PPFIA4: variants seen among roughly 807,000 people sequenced by gnomAD.
PPFIA4 encodes the protein liprin-alpha-4.
In PPFIA4, 98 loss-of-function variants were observed where a neutral mutation model predicts 145.7. The observed-to-expected ratio is 0.67, with a 90% CI of 0.57 to 0.80. The LOEUF is 0.80. Among genes scored for constraint, PPFIA4 ranks in the 30% least tolerant of loss-of-function variants. PPFIA4 has a pLI of 0.00. For synonymous variants in PPFIA4, 628 were observed against 649.6 expected, an observed-to-expected ratio of 0.97 and a Z score of 0.51; for missense variants, 1,457 against 1,632.7, an observed-to-expected ratio of 0.89 and a Z score of 1.85.
chr1:203,074,513 G>A (rs1381708676), intron 28 of PPFIA4, among the ~76,000 whole-genome samples: 1 of 152,102 alleles, frequency 6.6e-6, no homozygotes, highest in African/African-American at 2.4e-5. Context: ...AATGCTACTA[G>A]GATGAGTGCT....
At chr1:203,050,202 G>A (rs1365339282) in intron 13 of PPFIA4, among the ~76,000 whole-genome samples, 1 of 152,216 alleles carries the variant, frequency 6.6e-6, no homozygotes, top group African/African-American at 2.4e-5. Flanking sequence ...GGAGAGATTG[G>A]AATGAAGCAT....
rs564189720 is a variant in PPFIA4, at chr1:203,026,544, T to C, written c.-485T>C. 53 of 152,310 alleles carry C rather than the reference T, an allele frequency of 3.5e-4. No homozygotes were observed. The highest frequency in any genetic ancestry group is 1.1e-3 in the African/African-American group (45 of 41,556). 9.4% of individuals were successfully genotyped at this position (152,310 alleles called of 1,614,324 possible). A position where few individuals can be genotyped will look rare whatever the true frequency, so the allele number is the denominator to read the frequency against. ...GCAGCTACCTCGGCGCCGGCTCGGC[T>C]CTAGGACGTGTCGGGCTGCACGGGT... On this transcript the variant is annotated 5_prime_UTR_variant, in exon 1 of 30. Coordinates refer to ENST00000295706, the MANE Select transcript of PPFIA4 (RefSeq NM_001304331.2).
Position 203,048,991 on chromosome 1 carries a change from G to A in PPFIA4, c.1419+11G>A, listed in dbSNP as rs1660297433. The A allele has an allele frequency of 6.5e-7, 1 of 1,548,150 alleles. No individual in the cohort carries two copies. The highest frequency in any genetic ancestry group is 2.4e-5 in the East Asian group (1 of 40,856). ...CAGCACCACCACAAGGTACCCGGCT[G>A]CGGCCAGCCCCGCCCAGCCTGGGAG... On this transcript the variant is annotated intron_variant, in intron 12 of 29. Coordinates refer to ENST00000295706, the MANE Select transcript of PPFIA4 (RefSeq NM_001304331.2). This position sits in a 1 kb window ranked among gnomAD's most constrained non-coding sequence, Gnocchi z 5.8.
chr1:203,046,664 T>TC (rs1325097969), intron 9 of PPFIA4, among the ~76,000 whole-genome samples: 2 of 150,904 alleles, frequency 1.3e-5, no homozygotes, highest in African/African-American at 2.4e-5. Flanking sequence ...TCTTTTTCTT[T>TC]TTTTTTTTTT....
rs757107993 is a variant in PPFIA4, at chr1:203,075,663, C to A, written c.3480C>A (p.Ser1160Arg). The change falls in exon 29 of 30, where the codon AGC becomes AGA. Residue 1160 changes from serine to arginine, a missense_variant. This residue lies in a region of PPFIA4 where 146 missense variants were observed against 126.2 expected (regional missense o/e 1.16). Transcript: ENST00000295706. The surrounding 1 kb of genome is among the most constrained non-coding windows in gnomAD (Gnocchi z 4.1). ...REHHGRGGML[S>R]ASAETLPAGF... ...ACCACGGTCGCGGCGGCATGCTCAGCGCTTCCGCGGAGACCCTCCCGGCGG... is the reference window on the plus strand; with the variant it reads ...ACCACGGTCGCGGCGGCATGCTCAGAGCTTCCGCGGAGACCCTCCCGGCGG... 6.6e-7 allele frequency: 1 copy of A among 1,507,326 alleles called. No homozygotes were observed. The highest frequency in any genetic ancestry group is 1.3e-5 in the South Asian group (1 of 78,468). 93.4% of individuals were successfully genotyped at this position (1,507,326 alleles called of 1,614,324 possible).
In PPFIA4 at chr1:203,061,773, T is replaced by G. The variant is rs547147639; in HGVS notation, c.2874+95T>G. On this transcript the variant is annotated intron_variant, in intron 24 of 29. Coordinates refer to ENST00000295706, the MANE Select transcript of PPFIA4 (RefSeq NM_001304331.2). Reference sequence around the variant, plus strand: ...TCCGCAGCAGGAATCTCTGAGTCCTTCATATGAAAAGCCCTGGACATAGGT... The same window carrying G: ...TCCGCAGCAGGAATCTCTGAGTCCTGCATATGAAAAGCCCTGGACATAGGT... The G allele has an allele frequency of 2.4e-5, 32 of 1,332,958 alleles. No homozygotes were observed. In the African/African-American group the frequency reaches 4.5e-4, roughly 19 times the overall value. The allele number at this position is 1,332,958 out of a possible 1,614,324, so 82.6% of individuals were successfully genotyped here.
In PPFIA4 at chr1:203,048,752, T is replaced by C. The variant is rs1344996037; in HGVS notation, c.1356+38T>C. 1 of 1,346,636 alleles carries C rather than the reference T, an allele frequency of 7.4e-7. No homozygotes were observed. Among genetic ancestry groups the C allele is most frequent in the Non-Finnish European group, 9.8e-7 (1 of 1,017,630 alleles). 83.4% of individuals were successfully genotyped at this position (1,346,636 alleles called of 1,614,324 possible). A position where few individuals can be genotyped will look rare whatever the true frequency, so the allele number is the denominator to read the frequency against. ...GCGGGGTTGGGATGCGAGAGGTTAG[T>C]GCTGGGTGTGGGGCGGGGGGAGGCG... On this transcript the variant is annotated intron_variant, in intron 11 of 29. Coordinates refer to ENST00000295706, the MANE Select transcript of PPFIA4 (RefSeq NM_001304331.2). The surrounding 1 kb of genome is among the most constrained non-coding windows in gnomAD (Gnocchi z 5.8).
intron 27 of PPFIA4, among the ~76,000 whole-genome samples, chr1:203,070,009 T>A (rs1455492954): frequency 1.3e-5 from 2 of 152,178 alleles, no homozygotes; most frequent in African/African-American, 4.8e-5. Flanking sequence ...GTGCTTCTCC[T>A]TTCAGATCAT....
intron 24 of PPFIA4, 79 bp downstream of exon 24, chr1:203,061,757 G>A: frequency 7.0e-7 from 1 of 1,432,598 alleles, no homozygotes; most frequent in Non-Finnish European, 9.4e-7. Context: ...CTCCGCAGCA[G>A]GAATCTCTGA....
At chr1:203,035,594 A>C (rs1286366834) in intron 1 of PPFIA4, 1 of 456,692 alleles carries the variant, frequency 2.2e-6, no homozygotes, top group Non-Finnish European at 4.4e-6. Flanking sequence ...GCCCCTTGCA[A>C]ATGCTTGCTT....
rs1473009587 is a variant in PPFIA4, at chr1:203,055,079, T to C, written c.1830-353T>C. Among the ~76,000 whole-genome samples the C allele has an allele frequency of 6.6e-6, 1 of 152,238 alleles. No homozygotes were observed. Among genetic ancestry groups the C allele is most frequent in the Admixed American group, 6.5e-5 (1 of 15,288 alleles). ...TAAAAGTCCTACACTTGGAAACTGC[T>C]GACTTATACCACTTCAGACATAGCA... On this transcript the variant is annotated intron_variant, in intron 15 of 29. Coordinates refer to ENST00000295706, the MANE Select transcript of PPFIA4 (RefSeq NM_001304331.2). This position sits in a 1 kb window ranked among gnomAD's most constrained non-coding sequence, Gnocchi z 4.8.
At chr1:203,054,927 A>C (rs1346038780) in intron 15 of PPFIA4, among the ~76,000 whole-genome samples, 3 of 151,896 alleles carry the variant, frequency 2.0e-5, no homozygotes, top group East Asian at 3.9e-4. Flanking sequence ...TGTGTGAGAG[A>C]GTGTGTGTGT....
At position 203,045,381 on chromosome 1, in the gene PPFIA4, G is replaced by C. The variant is rs773987296; in HGVS notation, c.680G>C (p.Arg227Pro). 1.2e-6 allele frequency: 2 copies of C among 1,601,444 alleles called. No homozygotes were observed. The highest frequency in any genetic ancestry group is 2.3e-5 in the South Asian group (2 of 88,576). The change falls in exon 7 of 30, where the codon CGG becomes CCG. Residue 227 changes from arginine to proline, a missense_variant. Transcript: ENST00000295706. ...PKRLWKEDTG[R>P]VEELQELLEK... ...CTATCCCTGGAGGAGGATACGGGCC[G>C]GGTAGAGGAGCTGCAGGAGCTCCTG... is the stretch of plus-strand genomic sequence containing the variant.
At chr1:203,063,357 A>G in intron 24 of PPFIA4, 1 of 161,916 alleles carries the variant, frequency 6.2e-6, no homozygotes, top group Non-Finnish European at 1.3e-5. Context: ...CCAACATTTA[A>G]CTTCCTTGCT....
intron 14 of PPFIA4, among the ~76,000 whole-genome samples, chr1:203,052,176 C>T (rs1021738982): frequency 2.7e-5 from 4 of 146,010 alleles, no homozygotes; most frequent in African/African-American, 5.0e-5. Flanking sequence ...ATCTGGTGGT[C>T]GGGCGTGGGG....
chr1:203,056,140 T>C lies in PPFIA4; in HGVS notation c.2091T>C (p.His697=), dbSNP rs768686947. ...TGCAGCCCAGTGACTTAAGAAAGCA[T>C]AGGAGGAAGCTGCTGGTGAGTGCTG... ...VMTLPSDLRK[H]RRKLLSPVSR... The change falls in exon 17 of 30, where the codon CAT becomes CAC. Residue 697 remains histidine, a synonymous_variant. Transcript: ENST00000295706. 33 of 1,613,966 alleles carry C rather than the reference T, an allele frequency of 2.0e-5. No homozygotes were observed. The highest frequency in any genetic ancestry group is 4.4e-5 in the South Asian group (4 of 91,086).
intron 13 of PPFIA4, chr1:203,051,139 G>A: frequency 1.0e-6 from 1 of 985,314 alleles, no homozygotes; most frequent in Non-Finnish European, 1.2e-6. Context: ...ATTGTTGCTT[G>A]GGTCCTAAAA....
chr1:203,061,736 T>C, intron 24 of PPFIA4, 58 bp downstream of exon 24: 2 of 1,504,376 alleles, frequency 1.3e-6, no homozygotes, highest in East Asian at 2.5e-5. Context: ...AGTGTTCTTC[T>C]GGTAGGTTCT....
chr1:203,062,389 A>T (rs1310704687), intron 24 of PPFIA4, among the ~76,000 whole-genome samples: 1 of 144,364 alleles, frequency 6.9e-6, no homozygotes, highest in Non-Finnish European at 1.5e-5. Context: ...CTGAGGCAGG[A>T]GAATGGCGTG....
Sources: allele counts gnomAD v4.1 joint callset (sites outside exome capture counted in the v4.1 genomes callset), GRCh38; gene constraint gnomAD v4.1.1; regional missense constraint gnomAD v4.1.1; non-coding constraint Gnocchi (gnomAD v3.1); transcripts MANE v1.5; gene names NCBI Gene and HGNC (gene_info 2026-07-23, HGNC 2026-07-21).